Variants in MBTPS1 observed in about 807,000 individuals in gnomAD.
MBTPS1 encodes the protein membrane bound transcription factor peptidase, site 1.
A neutral mutation model predicts 127.8 loss-of-function variants in MBTPS1; 94 were observed. That is an observed-to-expected ratio of 0.74 (90% CI 0.62 to 0.87). The LOEUF (loss-of-function observed/expected upper bound fraction) is 0.87, where lower values mean the gene tolerates loss of function less well. Ranked by LOEUF, MBTPS1 falls within the 40% of genes least tolerant of loss-of-function variation. MBTPS1 has a pLI of 0.00. For synonymous variants in MBTPS1, 632 were observed against 509.4 expected, an observed-to-expected ratio of 1.24 and a Z score of -3.24; for missense variants, 1,636 against 1,353.2, an observed-to-expected ratio of 1.21 and a Z score of -3.28.
chr16:84,058,467 G>T (rs2085553030), intron 21 of MBTPS1, among the ~76,000 whole-genome samples: 1 of 152,230 alleles, frequency 6.6e-6, no homozygotes, highest in Non-Finnish European at 1.5e-5. Context: ...CGGAGGGCAA[G>T]ACTCCTGCTT....
intron 16 of MBTPS1, 48 bp downstream of exon 16, chr16:84,067,619 T>G (rs201017641): frequency 5.0e-5 from 72 of 1,426,622 alleles, no homozygotes; most frequent in Non-Finnish European, 6.8e-5. Context: ...TGGGTAGAAT[T>G]TGATTCCCCA....
chr16:84,068,490 A>C, intron 14 of MBTPS1, 36 bp from the exon 15 acceptor site: 1 of 1,420,866 alleles, frequency 7.0e-7, no homozygotes, highest in Non-Finnish European at 1.0e-6. Flanking sequence ...AAAATGATCG[A>C]TCTTTACTGG....
chr16:84,091,904 G>T, intron 6 of MBTPS1, 56 bp from the exon 7 acceptor site: 1 of 1,013,162 alleles, frequency 9.9e-7, no homozygotes, highest in Non-Finnish European at 1.6e-6. Context: ...TAAAGTGCTA[G>T]GACAGTTTTT....
Position 84,081,821 on chromosome 16 carries a change from C to A in MBTPS1, c.1374G>T (p.Met458Ile). The stretch of plus-strand genomic sequence containing the variant: ...CGAGCTTGCCGTGGCCTTGCTCAAA[C>A]ATGTTGACCCCGGGGAGCCTCCGGG... ...ASARRLPGVNMFEQGHGKLDL... is the reference protein window; with the variant it reads ...ASARRLPGVNIFEQGHGKLDL... Residue 458 changes from methionine to isoleucine, a missense_variant, in exon 11 of 23, where the codon ATG becomes ATT. Coordinates refer to ENST00000343411, the MANE Select transcript of MBTPS1 (RefSeq NM_003791.4). 1 of 1,532,342 alleles carries A rather than the reference C, an allele frequency of 6.5e-7. No homozygotes were observed. The highest frequency in any genetic ancestry group is 1.3e-5 in the South Asian group (1 of 79,588). The allele number at this position is 1,532,342 out of a possible 1,614,324, so 94.9% of individuals were successfully genotyped here.
intron 11 of MBTPS1, among the ~76,000 whole-genome samples, chr16:84,080,374 T>C (rs1015238145): frequency 3.3e-5 from 5 of 152,182 alleles, no homozygotes; most frequent in Admixed American, 6.5e-5. Flanking sequence ...CATGCTAACA[T>C]GAGTGAGTGG....
At chr16:84,105,017 G>A (rs545878521) in intron 1 of MBTPS1, among the ~76,000 whole-genome samples, 3 of 151,882 alleles carry the variant, frequency 2.0e-5, no homozygotes, top group Non-Finnish European at 2.9e-5. Flanking sequence ...CAGGATAATC[G>A]TTTGAACCCA....
At chr16:84,106,168 G>A (rs766108721) in intron 1 of MBTPS1, among the ~76,000 whole-genome samples, 5 of 152,152 alleles carry the variant, frequency 3.3e-5, no homozygotes, top group East Asian at 1.9e-4. Flanking sequence ...GGCGACAGGC[G>A]CCTGTAGCTC....
chr16:84,112,672 A>C (rs1402669890), intron 1 of MBTPS1, among the ~76,000 whole-genome samples: 1 of 149,816 alleles, frequency 6.7e-6, no homozygotes, highest in Non-Finnish European at 1.5e-5. Context: ...AAAAAAAACA[A>C]AAAAAAACAA....
intron 4 of MBTPS1, 147 bp from the exon 5 acceptor site, chr16:84,093,968 G>C (rs1452695411): frequency 1.5e-6 from 1 of 650,644 alleles, no homozygotes; most frequent in African/African-American, 1.8e-5. Flanking sequence ...AGTTAGGTCA[G>C]CTGCTCCCAG....
intron 2 of MBTPS1, among the ~76,000 whole-genome samples, chr16:84,100,117 G>A (rs996134205): frequency 6.6e-6 from 1 of 152,162 alleles, no homozygotes; most frequent in Non-Finnish European, 1.5e-5. Flanking sequence ...CTGTTCCAAA[G>A]AATCAAGGTG....
At chr16:84,087,267 C>G (rs1424067536) in intron 9 of MBTPS1, 91 bp downstream of exon 9, 2 of 993,018 alleles carry the variant, frequency 2.0e-6, no homozygotes, top group Admixed American at 3.6e-5. Context: ...TGTGCACTTA[C>G]AAATACACCC....
At chr16:84,063,209 G>T in intron 19 of MBTPS1, 96 bp downstream of exon 19, 1 of 1,326,978 alleles carries the variant, frequency 7.5e-7, no homozygotes, top group Non-Finnish European at 1.1e-6. Flanking sequence ...ACAGATGTCG[G>T]CTGATCTGCC....
In MBTPS1 at chr16:84,066,348, T is replaced by C. The variant is rs576714883; in HGVS notation, c.2353+141A>G. Reference sequence around the variant, plus strand: ...AAACTAGAGCCTCACAGATGTACTTTTGAAAATACTGGTGAGTTCTTTCCA... The same window carrying C: ...AAACTAGAGCCTCACAGATGTACTTCTGAAAATACTGGTGAGTTCTTTCCA... On this transcript the variant is annotated intron_variant, in intron 17 of 22. Transcript: ENST00000343411. 93 of 835,390 alleles carry C rather than the reference T, an allele frequency of 1.1e-4. No homozygotes were observed. The South Asian group carries it at 1.9e-3, about 17-fold the overall frequency. The allele number at this position is 835,390 out of a possible 1,614,324, so 51.7% of individuals were successfully genotyped here. A position where few individuals can be genotyped will look rare whatever the true frequency, so the allele number is the denominator to read the frequency against.
chr16:84,056,609 G>A (rs2151138531), intron 21 of MBTPS1: 1 of 152,824 alleles, frequency 6.5e-6, no homozygotes, highest in Non-Finnish European at 1.5e-5. Context: ...CCGGGAACCA[G>A]ACAGCATCTT....
chr16:84,072,464 T>C (rs2085784388), intron 12 of MBTPS1, among the ~76,000 whole-genome samples: 1 of 152,204 alleles, frequency 6.6e-6, no homozygotes, highest in Non-Finnish European at 1.5e-5. Flanking sequence ...TTTATCTCAA[T>C]TTTTTAAAAC....
At chr16:84,076,553 C>G (rs1173726729) in intron 11 of MBTPS1, among the ~76,000 whole-genome samples, 1 of 152,058 alleles carries the variant, frequency 6.6e-6, no homozygotes, top group Non-Finnish European at 1.5e-5. Context: ...CCTAGAGAAG[C>G]AATAATAAAA....
intron 12 of MBTPS1, among the ~76,000 whole-genome samples, chr16:84,073,522 T>A (rs573405531): frequency 6.6e-6 from 1 of 152,170 alleles, no homozygotes; most frequent in East Asian, 1.9e-4. Flanking sequence ...AAAAAATAAG[T>A]ATTGCAGATA....
chr16:84,083,491 A>G (rs2085972319), intron 10 of MBTPS1, among the ~76,000 whole-genome samples: 1 of 151,612 alleles, frequency 6.6e-6, no homozygotes, highest in Non-Finnish European at 1.5e-5. Context: ...AGGTCTCACT[A>G]TGTTGCCCCA....
chr16:84,115,840 T>A (rs1013710058), intron 1 of MBTPS1, among the ~76,000 whole-genome samples: 1 of 151,904 alleles, frequency 6.6e-6, no homozygotes. Flanking sequence ...AACCACTGAA[T>A]AGTACACTTA....
Sources: gnomAD v4.1 joint callset for allele counts (sites outside exome capture counted in the v4.1 genomes callset) on GRCh38, gnomAD v4.1.1 for gene constraint, MANE v1.5 for transcripts, NCBI Gene and HGNC (gene_info 2026-07-23, HGNC 2026-07-21) for gene names.